The following RBM6 variants were observed in gnomAD, a reference collection of about 807,000 sequenced individuals.
The protein encoded by RBM6 is RNA-binding protein 6.
Under a neutral mutation model 140.4 loss-of-function variants are expected in RBM6, and 23 were observed. That is an observed-to-expected ratio of 0.16 (90% CI 0.12 to 0.23). The LOEUF (loss-of-function observed/expected upper bound fraction) is 0.23, where lower values mean the gene tolerates loss of function less well. Ranked by LOEUF, RBM6 falls within the 10% of genes least tolerant of loss-of-function variation. The probability of loss-of-function intolerance (pLI) is 1.00; values close to 1 mark genes in which losing one functional copy is unlikely to be tolerated. For synonymous variants in RBM6, 439 were observed against 475.6 expected, an observed-to-expected ratio of 0.92 and a Z score of 1.00; for missense variants, 1,139 against 1,386.7, an observed-to-expected ratio of 0.82 and a Z score of 2.84.
At chr3:50,038,229 A>G (rs1176761319) in intron 6 of RBM6, among the ~76,000 whole-genome samples, 1 of 152,110 alleles carries the variant, frequency 6.6e-6, no homozygotes, top group Non-Finnish European at 1.5e-5. Flanking sequence ...TGAGGCCTGT[A>G]CAGTATCTTA....
chr3:49,976,642 A>G (rs1364631306), intron 5 of RBM6, among the ~76,000 whole-genome samples: 4 of 152,198 alleles, frequency 2.6e-5, no homozygotes, highest in Non-Finnish European at 5.9e-5. Context: ...GGTTTCATGA[A>G]CTGTGCTTTC....
chr3:49,996,991 A>G (rs1308115272), intron 5 of RBM6, among the ~76,000 whole-genome samples: 3 of 152,168 alleles, frequency 2.0e-5, no homozygotes, highest in African/African-American at 4.8e-5. Flanking sequence ...TCAGGTTAAT[A>G]ATATTTACCT....
chr3:49,981,621 TC>T (rs779287379), intron 5 of RBM6: 6 of 152,192 alleles, frequency 3.9e-5, no homozygotes, highest in Non-Finnish European at 8.8e-5. Context: ...CTACCTAATA[TC>T]AGTTCTCCTG....
At chr3:50,026,371 C>T (rs1443018156) in intron 6 of RBM6, among the ~76,000 whole-genome samples, 2 of 148,458 alleles carry the variant, frequency 1.3e-5, no homozygotes, top group Non-Finnish European at 3.0e-5. Flanking sequence ...GCGTGAGCCA[C>T]TGTGCCCGGC....
At chr3:50,076,941 G>A in intron 20 of RBM6, 67 bp from the exon 21 acceptor site, 1 of 1,496,454 alleles carries the variant, frequency 6.7e-7, no homozygotes, top group Non-Finnish European at 8.9e-7. Flanking sequence ...AATGCCTGTG[G>A]TCAAAGACCA....
intron 1 of RBM6, among the ~76,000 whole-genome samples, chr3:49,953,116 T>C (rs2083811545): frequency 6.6e-6 from 1 of 151,382 alleles, no homozygotes; most frequent in African/African-American, 2.4e-5. Context: ...AGTGCAGTGG[T>C]GCAATCATGG....
chr3:49,983,738 A>C, intron 5 of RBM6, among the ~76,000 whole-genome samples: 1 of 152,086 alleles, frequency 6.6e-6, no homozygotes, highest in East Asian at 1.9e-4. Context: ...TTCGGGGAGG[A>C]TGTGGCAGTT....
chr3:50,071,586 G>A (rs1263249690), intron 19 of RBM6, among the ~76,000 whole-genome samples: 2 of 152,170 alleles, frequency 1.3e-5, no homozygotes, highest in Non-Finnish European at 2.9e-5. Flanking sequence ...TTGAGCCTAG[G>A]AGTTCCAGGC....
chr3:50,026,625 T>A (rs2087838973), intron 6 of RBM6, among the ~76,000 whole-genome samples: 1 of 146,172 alleles, frequency 6.8e-6, no homozygotes, highest in African/African-American at 2.5e-5. Context: ...TGGCCAAGAC[T>A]CTGTCTCTCA....
At chr3:50,052,777 A>G (rs1048527193) in intron 7 of RBM6, among the ~76,000 whole-genome samples, 4 of 152,160 alleles carry the variant, frequency 2.6e-5, no homozygotes, top group African/African-American at 4.8e-5. Flanking sequence ...AACAGTCTCA[A>G]TATGGGGCAG....
chr3:49,953,183 G>A (rs1458437148), intron 1 of RBM6, among the ~76,000 whole-genome samples: 1 of 151,260 alleles, frequency 6.6e-6, no homozygotes, highest in Non-Finnish European at 1.5e-5. Flanking sequence ...AGCCTCCTAG[G>A]TAACTGGGAC....
chr3:50,018,352 G>T (rs2087280970), intron 6 of RBM6, among the ~76,000 whole-genome samples: 1 of 152,026 alleles, frequency 6.6e-6, no homozygotes, highest in Admixed American at 6.6e-5. Flanking sequence ...ATGTCTTTTT[G>T]TGGTTTGATA....
intron 18 of RBM6, among the ~76,000 whole-genome samples, chr3:50,069,428 G>T (rs1053766923): frequency 1.3e-5 from 2 of 151,246 alleles, no homozygotes; most frequent in Non-Finnish European, 2.9e-5. Flanking sequence ...AGGATCGCAT[G>T]AGCTGGGAGG....
At chr3:50,031,550 AGC>A (rs1388307000) in intron 6 of RBM6, among the ~76,000 whole-genome samples, 2 of 142,900 alleles carry the variant, frequency 1.4e-5, no homozygotes, top group South Asian at 2.2e-4. Context: ...TTGGACACAG[AGC>A]GGGGAACATC....
chr3:50,004,172 C>A (rs1335497345), intron 6 of RBM6, among the ~76,000 whole-genome samples: 1 of 152,138 alleles, frequency 6.6e-6, no homozygotes, highest in African/African-American at 2.4e-5. Flanking sequence ...ATTATTTGGC[C>A]AAATTAGTCA....
intron 1 of RBM6, among the ~76,000 whole-genome samples, chr3:49,957,896 A>G (rs1410746355): frequency 6.6e-6 from 1 of 151,530 alleles, no homozygotes. Context: ...CAATGGCGCA[A>G]TCTCAGCTGA....
intron 17 of RBM6, among the ~76,000 whole-genome samples, chr3:50,067,274 C>T (rs2090154721): frequency 6.9e-6 from 1 of 143,928 alleles, no homozygotes; most frequent in Non-Finnish European, 1.5e-5. Flanking sequence ...ATCATTAAAA[C>T]AGTCCAATTC....
chr3:49,980,301 G>T (rs751570913), intron 5 of RBM6, among the ~76,000 whole-genome samples: 1 of 151,692 alleles, frequency 6.6e-6, no homozygotes, highest in African/African-American at 2.4e-5. Flanking sequence ...CACCATGCCC[G>T]GCTGAGAGTA....
intron 1 of RBM6, among the ~76,000 whole-genome samples, chr3:49,952,487 G>A (rs961953581): frequency 3.3e-4 from 49 of 148,176 alleles, no homozygotes; most frequent in African/African-American, 1.1e-3. Flanking sequence ...TTTTAAATTA[G>A]GTTACTTATC....
Sources: allele counts gnomAD v4.1 joint callset (sites outside exome capture counted in the v4.1 genomes callset), GRCh38; gene constraint gnomAD v4.1.1; transcripts MANE v1.5; gene names NCBI Gene and HGNC (gene_info 2026-07-23, HGNC 2026-07-21).